The following NBPF14 variants were observed in gnomAD, a reference collection of about 807,000 sequenced individuals.
The protein encoded by NBPF14 is NBPF member 14.
NBPF14 carries 104 observed loss-of-function variants against 91.2 expected under a neutral mutation model. That is an observed-to-expected ratio of 1.14 (90% CI 0.97 to 1.34). The LOEUF is 1.34. NBPF14 is among the 40% of genes most tolerant of loss of function. NBPF14 has a pLI of 0.00. For synonymous variants in NBPF14, 294 were observed against 303.8 expected (o/e 0.97, Z 0.34); for missense variants, 908 against 783.0 (o/e 1.16, Z -1.91).
At chr1:148,557,059 G>C (rs1322715627) in intron 40 of NBPF14, among the ~76,000 whole-genome samples, 197 bp from the exon 41 acceptor site, 5 of 118,548 alleles carry the variant, frequency 4.2e-5, no homozygotes, top group Non-Finnish European at 8.2e-5. Context: ...AAGACAGATA[G>C]ACACACACAC....
At chr1:148,574,001 T>G in intron 19 of NBPF14, 52 bp downstream of exon 19, 2 of 79,194 alleles carry the variant, frequency 2.5e-5, no homozygotes, top group South Asian at 1.4e-4. Context: ...GAATATGATC[T>G]TTATATGGAG....
chr1:148,574,098 A>T, exon 19 of NBPF14: 1 of 59,300 alleles, frequency 1.7e-5, no homozygotes, highest in South Asian at 8.8e-5. Context: ...TCCAATGCAT[A>T]AAAGGAACTT....
At chr1:148,533,559 G>A (rs1316226608) in intron 70 of NBPF14, among the ~76,000 whole-genome samples, 1 of 149,354 alleles carries the variant, frequency 6.7e-6, no homozygotes, top group East Asian at 2.0e-4. Context: ...ATGACACACA[G>A]CAAACTGTGA....
At chr1:148,585,440 G>C (rs1222155601) in intron 9 of NBPF14, among the ~76,000 whole-genome samples, 3 of 151,796 alleles carry the variant, frequency 2.0e-5, no homozygotes, top group African/African-American at 4.8e-5. Context: ...ATATTGAAAA[G>C]ACCTTTTGCT....
chr1:148,566,537 A>T lies in NBPF14; in HGVS notation c.3543-222T>A, dbSNP rs1658393553. ...CACACACACACACACACACACACAC[A>T]CACAAACACACACACACACACAGAG... On this transcript the variant is annotated intron_variant, in intron 28 of 70. Coordinates refer to ENST00000619423, the Ensembl canonical transcript of NBPF14. Among the ~76,000 whole-genome samples, 2 of 120,628 alleles carry T rather than the reference A, an allele frequency of 1.7e-5. 1 individual carries two copies. Among genetic ancestry groups the T allele is most frequent in the Admixed American group, 1.6e-4 (2 of 12,862 alleles). 79.1% of individuals were successfully genotyped at this position (120,628 alleles called of 152,430 possible).
intron 68 of NBPF14, among the ~76,000 whole-genome samples, 174 bp from the exon 69 acceptor site, chr1:148,535,030 G>T (rs1339538476): frequency 2.0e-5 from 3 of 147,018 alleles, no homozygotes; most frequent in Non-Finnish European, 3.0e-5. Context: ...AGGTAGAAAA[G>T]AATGAAAGAG....
At chr1:148,535,477 T>G in exon 68 of NBPF14, 1 of 464,550 alleles carries the variant, frequency 2.2e-6, no homozygotes, top group Middle Eastern at 5.6e-4. Context: ...GTCTTGGTCT[T>G]CTTCCACTTC....
At chr1:148,557,722 A>G (rs1280033397) in intron 39 of NBPF14, among the ~76,000 whole-genome samples, 180 bp from the exon 40 acceptor site, 2 of 129,768 alleles carry the variant, frequency 1.5e-5, no homozygotes, top group Admixed American at 1.5e-4. Context: ...TGCATCTCAG[A>G]ACCAAGGGTG....
intron 40 of NBPF14, among the ~76,000 whole-genome samples, chr1:148,557,071 C>A (rs1656695064): frequency 8.0e-6 from 1 of 124,894 alleles, no homozygotes; most frequent in Non-Finnish European, 1.6e-5. Context: ...CACACACACA[C>A]ACACACACAC....
intron 20 of NBPF14, among the ~76,000 whole-genome samples, chr1:148,572,906 G>C (rs1417061539): frequency 4.2e-4 from 6 of 14,198 alleles, no homozygotes; most frequent in African/African-American, 1.6e-3. Flanking sequence ...GACACTCTGA[G>C]TTAGTGCCCT....
chr1:148,561,583 G>A lies in NBPF14; in HGVS notation c.4275-4C>T, dbSNP rs1657720322. 8.5e-6 allele frequency: 3 copies of A among 353,354 alleles called. No individual in the cohort carries two copies. Among genetic ancestry groups the A allele is most frequent in the East Asian group, 1.0e-4 (2 of 19,414 alleles). 21.9% of individuals were successfully genotyped at this position (353,354 alleles called of 1,614,324 possible). ...CTCCAGCAGCTCCCTGCTGAGCCTG[G>A]AAAAGGAGGAAAAAGTAAAGAATAA... is the stretch of plus-strand genomic sequence containing the variant. On this transcript the variant is annotated splice_region_variant and splice_polypyrimidine_tract_variant and intron_variant, in intron 34 of 70. Coordinates refer to ENST00000619423, the Ensembl canonical transcript of NBPF14.
rs1265783639 is a variant in NBPF14 at position 148,572,319 on chromosome 1, C to G, written c.2758+124G>C. On this transcript the variant is annotated intron_variant, in intron 21 of 70. Transcript: ENST00000619423. ...CTACAGTTTCATTACAACCTATATG[C>G]GCCCATAGGTCCTGCCTGCGGCAAT... 312 of 239,184 alleles carry G rather than the reference C, an allele frequency of 1.3e-3. 37 individuals are homozygous for G. The highest frequency in any genetic ancestry group is 5.2e-3 in the Admixed American group (68 of 13,156). The allele number at this position is 239,184 out of a possible 1,614,324, so 14.8% of individuals were successfully genotyped here.
chr1:148,539,544 A>G, exon 63 of NBPF14: 1 of 267,790 alleles, frequency 3.7e-6, no homozygotes. Flanking sequence ...GTCCTGCAAG[A>G]CTTCAGGCTC....
exon 71 of NBPF14, chr1:148,533,030 T>G (rs1553331046): frequency 9.6e-7 from 1 of 1,044,434 alleles, no homozygotes; most frequent in Middle Eastern, 3.2e-4. Flanking sequence ...GACTCCCATC[T>G]GGAACACCAG....
intron 40 of NBPF14, among the ~76,000 whole-genome samples, chr1:148,557,075 C>T (rs1261232347): frequency 8.0e-6 from 1 of 125,272 alleles, no homozygotes; most frequent in African/African-American, 4.1e-5. Context: ...CACACACACA[C>T]ACACACACAC....
chr1:148,560,122 C>T (rs1657491774), intron 36 of NBPF14, among the ~76,000 whole-genome samples, 157 bp from the exon 37 acceptor site: 4 of 150,580 alleles, frequency 2.7e-5, no homozygotes, highest in African/African-American at 1.0e-4. Flanking sequence ...TGGGATAGAA[C>T]AGGGCCAGGT....
rs1182226722 is a variant in NBPF14, at chr1:148,586,778, G to A, written c.1092-309C>T. Among the ~76,000 whole-genome samples the A allele has an allele frequency of 3.3e-4, 47 of 141,996 alleles. 2 individuals carry two copies. The highest frequency in any genetic ancestry group is 3.2e-3 in the Admixed American group (45 of 13,872). The allele number at this position is 141,996 out of a possible 152,430, so 93.2% of individuals were successfully genotyped here. A position where few individuals can be genotyped will look rare whatever the true frequency, so the allele number is the denominator to read the frequency against. On this transcript the variant is annotated intron_variant, in intron 8 of 70. Coordinates refer to ENST00000619423, the Ensembl canonical transcript of NBPF14. ...CCTTTCAGTTCCTCACTCTGGCCATGGACATTTCCATGTGAAAATACACAT... is the reference window on the plus strand; with the variant it reads ...CCTTTCAGTTCCTCACTCTGGCCATAGACATTTCCATGTGAAAATACACAT...
chr1:148,592,911 A>C lies in NBPF14; in HGVS notation c.279-145T>G, dbSNP rs1662728868. On this transcript the variant is annotated intron_variant, in intron 3 of 70. Coordinates refer to ENST00000619423, the Ensembl canonical transcript of NBPF14. Reference sequence around the variant, plus strand: ...CATGTTGAAAGGAATGACTGTGGCCAAGAGAAAGAATAGAAAATGGTCTAC... The same window carrying C: ...CATGTTGAAAGGAATGACTGTGGCCCAGAGAAAGAATAGAAAATGGTCTAC... 2 of 638,594 alleles carry C rather than the reference A, an allele frequency of 3.1e-6. 1 individual carries two copies. The highest frequency in any genetic ancestry group is 5.4e-6 in the Non-Finnish European group (2 of 367,306). The allele number at this position is 638,594 out of a possible 1,614,324, so 39.6% of individuals were successfully genotyped here.
chr1:148,539,235 T>A (rs1655481445), intron 63 of NBPF14, among the ~76,000 whole-genome samples, 175 bp downstream of exon 63: 1 of 108,116 alleles, frequency 9.2e-6, no homozygotes, highest in Admixed American at 8.4e-5. Flanking sequence ...CACTGACCCA[T>A]TTCATGTCTA....
Sources: allele counts gnomAD v4.1 joint callset (sites outside exome capture counted in the v4.1 genomes callset), GRCh38; gene constraint gnomAD v4.1.1; transcripts MANE v1.5; gene names NCBI Gene and HGNC (gene_info 2026-07-23, HGNC 2026-07-21).